Variants in CCDC80 observed in about 807,000 individuals in gnomAD.
CCDC80 encodes the protein coiled-coil domain containing 80.
CCDC80 carries 49 observed loss-of-function variants against 78.7 expected under a neutral mutation model. That is an observed-to-expected ratio of 0.62 (90% confidence interval 0.50 to 0.79). The LOEUF is 0.79. CCDC80 is among the 30% of genes least tolerant of loss of function. The pLI, the probability that CCDC80 is intolerant of heterozygous loss-of-function variation, is 0.00. For synonymous variants in CCDC80, 488 were observed against 447.0 expected, an observed-to-expected ratio of 1.09 and a Z score of -1.16; for missense variants, 1,205 against 1,198.6, an observed-to-expected ratio of 1.01 and a Z score of -0.08.
Position 112,616,704 on chromosome 3 carries a change from A to G in CCDC80, c.2321+6T>C. On this transcript the variant is annotated splice_donor_region_variant and intron_variant, in intron 5 of 7. Transcript: ENST00000206423. ...TTCCTCTTTAGCGACTCCAAAGGTG[A>G]TGTACCTGGATAGGAAGTTCTCCAG... The G allele has an allele frequency of 6.2e-7, 1 of 1,614,032 alleles. No homozygotes were observed. Among genetic ancestry groups the G allele is most frequent in the Non-Finnish European group, 8.5e-7 (1 of 1,179,940 alleles).
At chr3:112,629,612 G>C (rs756596070) in intron 3 of CCDC80, among the ~76,000 whole-genome samples, 5 of 152,166 alleles carry the variant, frequency 3.3e-5, no homozygotes, top group Non-Finnish European at 7.4e-5. Flanking sequence ...GTGCAGTTCA[G>C]TCCATATTTT....
chr3:112,627,750 C>G (rs1391430667), intron 3 of CCDC80, among the ~76,000 whole-genome samples: 1 of 151,872 alleles, frequency 6.6e-6, no homozygotes, highest in Non-Finnish European at 1.5e-5. Context: ...GAAAGAGAGG[C>G]CTTCCAGGAA....
At chr3:112,607,593 T>G (rs1935541040) in intron 6 of CCDC80, among the ~76,000 whole-genome samples, 1 of 152,116 alleles carries the variant, frequency 6.6e-6, no homozygotes, top group African/African-American at 2.4e-5. Context: ...GAGACCACCC[T>G]GGCTAACATG....
In CCDC80 at chr3:112,638,512, T is replaced by C; in HGVS notation, c.1394A>G (p.Asp465Gly). The C allele has an allele frequency of 6.2e-7, 1 of 1,614,034 alleles. No homozygotes were observed. The highest frequency in any genetic ancestry group is 1.3e-5 in the African/African-American group (1 of 74,996). ...ATGTTCCCGCCTGTCCATGCGGTTG[T>C]CCCGGAAACGGCCTGGGCCAGCAGC... ...TRAAGPGRFR[D>G]NRMDRREHGH... The change falls in exon 2 of 8, where the codon GAC becomes GGC. Residue 465 changes from aspartate to glycine, a missense_variant. By Grantham distance (94) the Asp-to-Gly change is moderately conservative. Coordinates refer to ENST00000206423, the MANE Select transcript of CCDC80 (RefSeq NM_199511.3).
rs1935297416 is a variant in CCDC80, at chr3:112,597,246, C to T, written c.*8171G>A. On this transcript the variant is annotated 3_prime_UTR_variant, in exon 8 of 8. Transcript: ENST00000206423. ...AAACCATAGTCTTCATATACCTTTA[C>T]CACGCCTCCTTCCTCCAATTAGGAA... is the stretch of plus-strand genomic sequence containing the variant. The T allele has an allele frequency of 6.6e-6, 1 of 152,150 alleles. No individual in the cohort carries two copies. The highest frequency in any genetic ancestry group is 1.5e-5 in the Non-Finnish European group (1 of 68,018). 9.4% of individuals were successfully genotyped at this position (152,150 alleles called of 1,614,324 possible).
rs115088924 is a variant in CCDC80 at position 112,608,058 on chromosome 3, A to C, written c.2426-802T>G. ...ACAGCTTGCCTTCATATCCTCTGCT[A>C]AAGTTTCAGGACAGGAGGGAAGGTC... On this transcript the variant is annotated intron_variant, in intron 6 of 7. Transcript: ENST00000206423. Among the ~76,000 whole-genome samples, 219 of 152,360 alleles carry C rather than the reference A, an allele frequency of 1.4e-3. 2 individuals carry two copies. The highest frequency in any genetic ancestry group is 5.0e-3 in the African/African-American group (209 of 41,588).
chr3:112,597,111 T>G lies in CCDC80; in HGVS notation c.*8306A>C, dbSNP rs1935295651. ...GACCCTGGTGATCACCAGAGTAGTT[T>G]CAGACTATAAACAACACATCATAAA... On this transcript the variant is annotated 3_prime_UTR_variant, in exon 8 of 8. Transcript: ENST00000206423. 6.6e-6 allele frequency: 1 copy of G among 152,198 alleles called. No individual in the cohort carries two copies. The highest frequency in any genetic ancestry group is 2.1e-4 in the South Asian group (1 of 4,832). The allele number at this position is 152,198 out of a possible 1,614,324, so 9.4% of individuals were successfully genotyped here.
chr3:112,610,200 A>T, intron 5 of CCDC80, 119 bp from the exon 6 acceptor site: 1 of 797,256 alleles, frequency 1.3e-6, no homozygotes, highest in South Asian at 1.5e-5. Flanking sequence ...AAAAAAAAGA[A>T]AAAAACAGAG....
At chr3:112,621,702 G>T (rs1022308509) in intron 3 of CCDC80, among the ~76,000 whole-genome samples, 5 of 152,092 alleles carry the variant, frequency 3.3e-5, no homozygotes, top group Non-Finnish European at 4.4e-5. Flanking sequence ...CACAACTAAG[G>T]TTGCTGTCAA....
intron 2 of CCDC80, among the ~76,000 whole-genome samples, chr3:112,637,010 A>G (rs1208489253): frequency 6.6e-6 from 1 of 152,158 alleles, no homozygotes; most frequent in Non-Finnish European, 1.5e-5. Context: ...AGCCATTTGC[A>G]CATCACTGAT....
rs767763643 is a variant in CCDC80 at position 112,598,681 on chromosome 3, G to A, written c.*6736C>T. 6.6e-6 allele frequency: 1 copy of A among 152,198 alleles called. No individual in the cohort carries two copies. The highest frequency in any genetic ancestry group is 2.4e-5 in the African/African-American group (1 of 41,418). 9.4% of individuals were successfully genotyped at this position (152,198 alleles called of 1,614,324 possible). ...GCTGCCCAGTTTGTCCAAGCTTTAG[G>A]ATATTAGAGAGATTACGCATTTGTG... On this transcript the variant is annotated 3_prime_UTR_variant, in exon 8 of 8. Transcript: ENST00000206423.
At chr3:112,615,191 T>C (rs573697132) in intron 5 of CCDC80, among the ~76,000 whole-genome samples, 1 of 152,194 alleles carries the variant, frequency 6.6e-6, no homozygotes, top group Admixed American at 6.5e-5. Flanking sequence ...TATATCATGA[T>C]GTTACATCCC....
chr3:112,620,332 G>A (rs796331344), intron 3 of CCDC80, among the ~76,000 whole-genome samples: 1 of 152,164 alleles, frequency 6.6e-6, no homozygotes, highest in South Asian at 2.1e-4. Flanking sequence ...GTGCTTCATG[G>A]AGGTGGTCCA....
rs1449688239 is a variant in CCDC80, at chr3:112,639,320, C to T, written c.586G>A (p.Glu196Lys). 1.9e-6 allele frequency: 3 copies of T among 1,614,186 alleles called. No individual in the cohort carries two copies. The Admixed American group carries it at 5.0e-5, about 27-fold the overall frequency. ...QIVLFHQAGE[E>K]GGKVRRITSE... Reference sequence around the variant, plus strand: ...GTGATCCTTCTCACCTTGCCTCCTTCCTCACCTGCCTGGTGGAAGAGCACA... The same window carrying T: ...GTGATCCTTCTCACCTTGCCTCCTTTCTCACCTGCCTGGTGGAAGAGCACA... The change falls in exon 2 of 8, where the codon GAA (glutamate) becomes AAA (lysine). Residue 196 changes from glutamate (E) to lysine (K), a missense_variant. Coordinates refer to ENST00000206423, the MANE Select transcript of CCDC80 (RefSeq NM_199511.3).
At chr3:112,622,569 T>C (rs1386302152) in intron 3 of CCDC80, among the ~76,000 whole-genome samples, 1 of 152,228 alleles carries the variant, frequency 6.6e-6, no homozygotes, top group Non-Finnish European at 1.5e-5. Flanking sequence ...GGCAGGTTCT[T>C]GTTAAATTTA....
At position 112,605,562 on chromosome 3, in the gene CCDC80, A is replaced by G; in HGVS notation, c.2708T>C (p.Met903Thr). The G allele has an allele frequency of 6.2e-7, 1 of 1,614,180 alleles. No homozygotes were observed. The highest frequency in any genetic ancestry group is 1.1e-5 in the South Asian group (1 of 91,078). ...CATCCCCAGTGACTGCTGAATCGCC[A>G]TTTCCTGTCTCCGAAGTTGCATCGA... ...IDSMQLRRQE[M>T]AIQQSLGMRC... Residue 903 changes from methionine (M) to threonine (T), a missense_variant, in exon 8 of 8, where the codon ATG becomes ACG. Met to Thr is a moderately conservative substitution (Grantham distance 81, BLOSUM62 -1). Coordinates refer to ENST00000206423, the MANE Select transcript of CCDC80 (RefSeq NM_199511.3).
rs764799567 is a variant in CCDC80, at chr3:112,605,734, G to T, written c.2536C>A (p.Pro846Thr). The change falls in exon 8 of 8, where the codon CCA (proline) becomes ACA (threonine). Residue 846 changes from proline (P) to threonine (T), a missense_variant. By Grantham distance (38) the Pro-to-Thr change is conservative. Transcript: ENST00000206423. ...GSSVVEREDV[P>T]AHLVKDIRNY... ...CGAATGTCTTTCACCAAATGGGCTG[G>T]TACGTCTTCTCGCTCAACAACAGAG... The T allele has an allele frequency of 6.2e-7, 1 of 1,613,990 alleles. No homozygotes were observed. The highest frequency in any genetic ancestry group is 1.3e-5 in the African/African-American group (1 of 74,924).
At chr3:112,635,808 C>G (rs1453604872) in intron 2 of CCDC80, among the ~76,000 whole-genome samples, 1 of 152,212 alleles carries the variant, frequency 6.6e-6, no homozygotes, top group Non-Finnish European at 1.5e-5. Context: ...TCAGCAGAAG[C>G]TGTCATTTGA....
rs1398844543 is a variant in CCDC80 at position 112,600,595 on chromosome 3, AG to A, written c.*4821del. The A allele has an allele frequency of 1.3e-5, 2 of 152,070 alleles. No homozygotes were observed. The highest frequency in any genetic ancestry group is 2.9e-5 in the Non-Finnish European group (2 of 68,024). 9.4% of individuals were successfully genotyped at this position (152,070 alleles called of 1,614,324 possible). ...CGGCACACTGAAGCCTCGACCTCCT[AG>A]GCTCAAGCGATTCTCTCACTTCAGC... On this transcript the variant is annotated 3_prime_UTR_variant, in exon 8 of 8. Transcript: ENST00000206423.
Sources: allele counts gnomAD v4.1 joint callset (sites outside exome capture counted in the v4.1 genomes callset), GRCh38; gene constraint gnomAD v4.1.1; transcripts MANE v1.5; gene names NCBI Gene and HGNC (gene_info 2026-07-23, HGNC 2026-07-21).